Variants in PHOSPHO1 observed in about 807,000 individuals in gnomAD.
PHOSPHO1 encodes the protein phosphoethanolamine/phosphocholine phosphatase 1.
In PHOSPHO1, 6 loss-of-function variants were observed where a neutral mutation model predicts 17.7. The observed-to-expected ratio is 0.34, with a 90% confidence interval of 0.19 to 0.67. The LOEUF (loss-of-function observed/expected upper bound fraction) is 0.67, where lower values mean the gene tolerates loss of function less well. PHOSPHO1 is among the 30% of genes least tolerant of loss of function. The pLI, the probability that PHOSPHO1 is intolerant of heterozygous loss-of-function variation, is 0.69. For synonymous variants in PHOSPHO1, 159 were observed against 174.6 expected (o/e 0.91, Z 0.71); for missense variants, 330 against 392.1 (o/e 0.84, Z 1.34).
intron 1 of PHOSPHO1, among the ~76,000 whole-genome samples, chr17:49,227,036 C>T (rs2043364490): frequency 6.6e-6 from 1 of 152,170 alleles, no homozygotes; most frequent in Non-Finnish European, 1.5e-5. Flanking sequence ...AGTGTTTTTT[C>T]TCTAGTATCA....
chr17:49,224,568 CGCAGAGCCAGCA>C lies in PHOSPHO1; in HGVS notation c.470_481del (p.Leu157_Leu160del), dbSNP rs1567888243. On this transcript the variant is annotated inframe_deletion, in exon 3 of 3. Transcript: ENST00000310544. ...CGCGCAGCTGTGTGTGTGGAACGGC[CGCAGAGCCAGCA>C]GTCCCCGCGCATCCGGCCCCGACGG... The C allele has an allele frequency of 6.4e-7, 1 of 1,564,614 alleles. No homozygotes were observed. Among genetic ancestry groups the C allele is most frequent in the Non-Finnish European group, 8.6e-7 (1 of 1,160,588 alleles).
chr17:49,224,079 C>G lies in PHOSPHO1; in HGVS notation c.*167G>C, dbSNP rs878855722. ...GGTGGGTTAACTGAATAGATAGGGA[C>G]GGCTCTGAGCCCCCTTCCCCAAGCC... On this transcript the variant is annotated 3_prime_UTR_variant, in exon 3 of 3. Transcript: ENST00000310544. The G allele has an allele frequency of 1.2e-5, 12 of 1,024,470 alleles. No individual in the cohort carries two copies. In the Admixed American group the frequency reaches 3.2e-4, roughly 28 times the overall value. 63.5% of individuals were successfully genotyped at this position (1,024,470 alleles called of 1,614,324 possible). A position where few individuals can be genotyped will look rare whatever the true frequency, so the allele number is the denominator to read the frequency against.
At chr17:49,228,069 G>C (rs894955435) in intron 1 of PHOSPHO1, among the ~76,000 whole-genome samples, 1 of 152,058 alleles carries the variant, frequency 6.6e-6, no homozygotes, top group Non-Finnish European at 1.5e-5. Context: ...TCAGCCAGGC[G>C]ATTTATAAGA....
intron 2 of PHOSPHO1, chr17:49,225,434 A>G (rs1297097820): frequency 1.0e-6 from 1 of 983,722 alleles, no homozygotes; most frequent in Non-Finnish European, 1.2e-6. Context: ...GGTGGTGGGA[A>G]CTCTCCCCTC....
Position 49,224,134 on chromosome 17 carries a change from A to AG in PHOSPHO1, c.*111dup. On this transcript the variant is annotated 3_prime_UTR_variant, in exon 3 of 3. Coordinates refer to ENST00000310544, the MANE Select transcript of PHOSPHO1 (RefSeq NM_178500.4). ...AATACGAGATTCCAGAAATTCCCAG[A>AG]GGGACATAACAAAGCCAAAGGGAAA... The AG allele has an allele frequency of 7.3e-7, 1 of 1,376,634 alleles. No homozygotes were observed. Among genetic ancestry groups the AG allele is most frequent in the East Asian group, 2.5e-5 (1 of 39,276 alleles). The allele number at this position is 1,376,634 out of a possible 1,614,324, so 85.3% of individuals were successfully genotyped here.
chr17:49,225,659 T>G, intron 2 of PHOSPHO1: 7 of 1,289,956 alleles, frequency 5.4e-6, no homozygotes, highest in Non-Finnish European at 6.1e-6. Flanking sequence ...CACTTGCCAA[T>G]TCCCCAGGAG....
Position 49,224,698 on chromosome 17 carries a change from C to T in PHOSPHO1, c.352G>A (p.Val118Met), listed in dbSNP as rs745922374. Residue 118 changes from valine to methionine, a missense_variant, in exon 3 of 3, where the codon GTG (valine) becomes ATG (methionine). Val to Met is a conservative substitution (Grantham distance 21). Coordinates refer to ENST00000310544, the MANE Select transcript of PHOSPHO1 (RefSeq NM_178500.4). ...GTGTTGGCATCGGAGATGAGAATCA[C>T]CTCGAAGCAGGCGCCCTGTTTTGCC... ...FVAKQGACFE[V>M]ILISDANTFG... 4 of 1,593,364 alleles carry T rather than the reference C, an allele frequency of 2.5e-6. No individual in the cohort carries two copies. The highest frequency in any genetic ancestry group is 2.6e-6 in the Non-Finnish European group (3 of 1,172,038).
intron 2 of PHOSPHO1, chr17:49,225,835 G>A (rs2043349489): frequency 3.3e-6 from 4 of 1,205,088 alleles, no homozygotes; most frequent in African/African-American, 1.6e-5. Flanking sequence ...AGGCAGAGGA[G>A]TGGGAGGGGC....
intron 1 of PHOSPHO1, among the ~76,000 whole-genome samples, chr17:49,227,910 G>A (rs2043372673): frequency 6.6e-6 from 1 of 152,134 alleles, no homozygotes; most frequent in African/African-American, 2.4e-5. Context: ...GGTGAGGGAT[G>A]GGAGAGAAGA....
At position 49,224,200 on chromosome 17, in the gene PHOSPHO1, G is replaced by A. The variant is rs376838914; in HGVS notation, c.*46C>T. The A allele has an allele frequency of 1.9e-5, 29 of 1,501,336 alleles. No individual in the cohort carries two copies. The highest frequency in any genetic ancestry group is 2.5e-5 in the Non-Finnish European group (28 of 1,131,698). 93.0% of individuals were successfully genotyped at this position (1,501,336 alleles called of 1,614,324 possible). ...TGTCTTTGCCGAATCTCCCTTCCCC[G>A]CCCCCTCCGCCGTTGGCCCGGGTAC... is the stretch of plus-strand genomic sequence containing the variant. On this transcript the variant is annotated 3_prime_UTR_variant, in exon 3 of 3. Transcript: ENST00000310544.
chr17:49,223,412 G>A lies in PHOSPHO1; in HGVS notation c.*834C>T, dbSNP rs1390287229. The A allele has an allele frequency of 6.4e-6, 1 of 156,648 alleles. No homozygotes were observed. Among genetic ancestry groups the A allele is most frequent in the African/African-American group, 2.4e-5 (1 of 41,474 alleles). 9.7% of individuals were successfully genotyped at this position (156,648 alleles called of 1,614,324 possible). ...AGTTGTAAAACACCAGAGGAAGGAG[G>A]GGCTTGGGTTTCGCTGGTTCTGCTT... On this transcript the variant is annotated 3_prime_UTR_variant, in exon 3 of 3. Transcript: ENST00000310544.
At chr17:49,228,992 AAAACTC>A (rs2043388557) in intron 1 of PHOSPHO1, 2 of 9,378 alleles carry the variant, frequency 2.1e-4, no homozygotes, top group African/African-American at 3.9e-4. Context: ...ACACACACAC[AAAACTC>A]CTCATTTCTC....
At chr17:49,226,850 C>T in intron 1 of PHOSPHO1, 92 bp from the exon 2 acceptor site, 1 of 737,232 alleles carries the variant, frequency 1.4e-6, no homozygotes, top group Admixed American at 2.3e-5. Flanking sequence ...TTCTGCTGAG[C>T]TACAGGAGGC....
chr17:49,227,280 T>C (rs2043366434), intron 1 of PHOSPHO1, among the ~76,000 whole-genome samples: 1 of 152,152 alleles, frequency 6.6e-6, no homozygotes, highest in South Asian at 2.1e-4. Context: ...ATACCATAGC[T>C]GGGGTCTGGG....
Position 49,224,638 on chromosome 17 carries a change from G to A in PHOSPHO1, c.412C>T (p.His138Tyr), listed in dbSNP as rs1424416547. ...AGGATGCGGCGGAACAGGCTGTGGT[G>A]GCCGGCGGCGCGCAGCGAGCTCTCC... Reference protein sequence around the residue: ...GVESSLRAAGHHSLFRRILSN... With the variant: ...GVESSLRAAGYHSLFRRILSN... The change falls in exon 3 of 3, where the codon CAC becomes TAC. Residue 138 changes from histidine to tyrosine, a missense_variant. Coordinates refer to ENST00000310544, the MANE Select transcript of PHOSPHO1 (RefSeq NM_178500.4). 6.3e-7 allele frequency: 1 copy of A among 1,582,524 alleles called. No individual in the cohort carries two copies.
Position 49,224,914 on chromosome 17 carries a change from T to A in PHOSPHO1, c.136A>T (p.Ile46Phe). The change falls in exon 3 of 3, where the codon ATC becomes TTC. Residue 46 changes from isoleucine to phenylalanine, a missense_variant. Coordinates refer to ENST00000310544, the MANE Select transcript of PHOSPHO1 (RefSeq NM_178500.4). The stretch of plus-strand genomic sequence containing the variant: ...CGCTGGCCCGGCGCGGCGCGCACGA[T>A]CGAATCGTCGCTGTTTTCGTCCACG... Reference protein sequence around the residue: ...TIVDENSDDSIVRAAPGQRLP... With the variant: ...TIVDENSDDSFVRAAPGQRLP... 1 of 1,598,296 alleles carries A rather than the reference T, an allele frequency of 6.3e-7. No individual in the cohort carries two copies. The highest frequency in any genetic ancestry group is 2.3e-5 in the East Asian group (1 of 44,098).
chr17:49,225,567 A>C, intron 2 of PHOSPHO1: 2 of 1,251,030 alleles, frequency 1.6e-6, no homozygotes, highest in Non-Finnish European at 2.1e-6. Context: ...TTCTAGCCCA[A>C]TGGCACTGAA....
chr17:49,223,908 T>G lies in PHOSPHO1; in HGVS notation c.*338A>C. 1 of 244,494 alleles carries G rather than the reference T, an allele frequency of 4.1e-6. No individual in the cohort carries two copies. Among genetic ancestry groups the G allele is most frequent in the Non-Finnish European group, 7.8e-6 (1 of 127,646 alleles). 15.1% of individuals were successfully genotyped at this position (244,494 alleles called of 1,614,324 possible). Reference sequence around the variant, plus strand: ...CAACAAGTTACAGCGGCGGGAGATGTTCCTTCTCTCACCTGCCGGGGGGGC... The same window carrying G: ...CAACAAGTTACAGCGGCGGGAGATGGTCCTTCTCTCACCTGCCGGGGGGGC... On this transcript the variant is annotated 3_prime_UTR_variant, in exon 3 of 3. Coordinates refer to ENST00000310544, the MANE Select transcript of PHOSPHO1 (RefSeq NM_178500.4).
chr17:49,229,957 GCAGGGAGCTTGCGGTCCTGA>G (rs1166791790), intron 1 of PHOSPHO1, among the ~76,000 whole-genome samples: 3 of 152,204 alleles, frequency 2.0e-5, no homozygotes, highest in African/African-American at 7.2e-5. Flanking sequence ...ACTCCAGTGG[GCAGGGAGCTTGCGGTCCTGA>G]CCAGCTGGCG....
Sources: allele counts gnomAD v4.1 joint callset (sites outside exome capture counted in the v4.1 genomes callset), GRCh38; gene constraint gnomAD v4.1.1; transcripts MANE v1.5; gene names NCBI Gene and HGNC (gene_info 2026-07-23, HGNC 2026-07-21).